MRGPRF: variants seen among roughly 807,000 people sequenced by gnomAD.
MRGPRF encodes the protein mas-related G protein-coupled receptor member F.
MRGPRF carries 2 observed loss-of-function variants against 3.3 expected under a neutral mutation model. The ratio of observed to expected loss-of-function variants is 0.61; its 90% CI spans 0.25 to 1.92. The LOEUF (loss-of-function observed/expected upper bound fraction) is 1.92. Among genes scored for constraint, MRGPRF ranks in the 40% most tolerant of loss-of-function variants. The pLI is 0.16. For missense variants in MRGPRF, 500 were observed against 476.0 expected (o/e 1.05, Z -0.47); for synonymous variants, 242 against 222.7 (o/e 1.09, Z -0.77).
chr11:69,009,298 G>C (rs1860547501), intron 2 of MRGPRF: 6 of 344,380 alleles, frequency 1.7e-5, no homozygotes. Flanking sequence ...GGAAATCCCA[G>C]AATTTTCAAG....
In MRGPRF at chr11:69,009,880, C is replaced by T; in HGVS notation, c.22G>A (p.Glu8Lys). 5 of 1,609,240 alleles carry T rather than the reference C, an allele frequency of 3.1e-6. No homozygotes were observed. Among genetic ancestry groups the T allele is most frequent in the East Asian group, 2.2e-5 (1 of 44,876 alleles). The change falls in exon 2 of 3, where the codon GAG becomes AAG. Residue 8 changes from glutamate to lysine, a missense_variant. Glu to Lys is a moderately conservative substitution (Grantham distance 56). Coordinates refer to ENST00000309099, the MANE Select transcript of MRGPRF (RefSeq NM_145015.5). ...TTGTTCCTGTTGCCGGGATGGGCCT[C>T]CCAGGAGCAGTTTCCAGCCATCTCC... MAGNCSWEAHPGNRNKMC... is the reference protein window; with the variant it reads MAGNCSWKAHPGNRNKMC...
At chr11:69,010,447 G>C (rs1860571804) in intron 1 of MRGPRF, among the ~76,000 whole-genome samples, 1 of 152,168 alleles carries the variant, frequency 6.6e-6, no homozygotes, top group African/African-American at 2.4e-5. Context: ...ACATGCTAAG[G>C]CATCTGGCCT....
intron 2 of MRGPRF, among the ~76,000 whole-genome samples, chr11:69,009,170 T>C (rs1860544319): frequency 6.6e-6 from 1 of 152,226 alleles, no homozygotes; most frequent in South Asian, 2.1e-4. Flanking sequence ...GTTGCCACTC[T>C]GCTCCTGACC....
chr11:69,006,339 G>T, intron 2 of MRGPRF, 78 bp from the exon 3 acceptor site: 1 of 1,388,042 alleles, frequency 7.2e-7, no homozygotes, highest in Non-Finnish European at 9.3e-7. Context: ...CCCAGCGTGG[G>T]GGAGGGGGGG....
At chr11:69,009,790 G>A in intron 2 of MRGPRF, 64 bp downstream of exon 2, 1 of 1,550,316 alleles carries the variant, frequency 6.5e-7, no homozygotes, top group Non-Finnish European at 8.8e-7. Context: ...ATGCTGGGCT[G>A]GGTCTGCCCC....
intron 2 of MRGPRF, among the ~76,000 whole-genome samples, chr11:69,006,496 A>G (rs947863722): frequency 2.0e-5 from 3 of 152,022 alleles, no homozygotes; most frequent in Non-Finnish European, 4.4e-5. Flanking sequence ...GCAGCACACA[A>G]TGGTGCCTAT....
Position 69,005,225 on chromosome 11 carries a change from CG to C in MRGPRF, c.*52del. On this transcript the variant is annotated 3_prime_UTR_variant, in exon 3 of 3. Transcript: ENST00000309099. Reference sequence around the variant, plus strand: ...GCAGGTGCCCATTCCTGTCCCAAGGCGAAGGGTCTTGGAGGCCGCTTCCTGC... The same window carrying C: ...GCAGGTGCCCATTCCTGTCCCAAGGCAAGGGTCTTGGAGGCCGCTTCCTGC... 1 of 1,441,622 alleles carries C rather than the reference CG, an allele frequency of 6.9e-7. No individual in the cohort carries two copies. The highest frequency in any genetic ancestry group is 2.5e-4 in the Middle Eastern group (1 of 3,966). The allele number at this position is 1,441,622 out of a possible 1,614,324, so 89.3% of individuals were successfully genotyped here. A position where few individuals can be genotyped will look rare whatever the true frequency, so the allele number is the denominator to read the frequency against.
chr11:69,011,161 C>T (rs1860588661), intron 1 of MRGPRF, among the ~76,000 whole-genome samples: 1 of 152,132 alleles, frequency 6.6e-6, no homozygotes, highest in South Asian at 2.1e-4. Flanking sequence ...GCGCACTCCT[C>T]CCGCCCGGGG....
intron 2 of MRGPRF, chr11:69,009,285 G>C (rs1405990491): frequency 9.5e-6 from 3 of 315,210 alleles, no homozygotes; most frequent in African/African-American, 2.1e-5. Flanking sequence ...AGTTGAGAGC[G>C]AAGGAAATCC....
Position 69,005,333 on chromosome 11 carries a change from C to T in MRGPRF, c.977G>A (p.Ser326Asn). 6.4e-7 allele frequency: 1 copy of T among 1,556,308 alleles called. No individual in the cohort carries two copies. Among genetic ancestry groups the T allele is most frequent in the Non-Finnish European group, 8.7e-7 (1 of 1,153,306 alleles). The part of the protein sequence containing the change: ...DGAELGEAGG[S>N]TPNTVTMEMQ... ...CTCCATGGTGACTGTGTTGGGCGTGCTGCCCCCGGCCTCCCCCAGCTCAGC... is the reference window on the plus strand; with the variant it reads ...CTCCATGGTGACTGTGTTGGGCGTGTTGCCCCCGGCCTCCCCCAGCTCAGC... The change falls in exon 3 of 3, where the codon AGC becomes AAC. Residue 326 changes from serine to asparagine, a missense_variant. By Grantham distance (46) the Ser-to-Asn change is conservative. Transcript: ENST00000309099.
At chr11:69,007,422 G>A (rs1860512298) in intron 2 of MRGPRF, among the ~76,000 whole-genome samples, 1 of 152,152 alleles carries the variant, frequency 6.6e-6, no homozygotes. Flanking sequence ...TGGCCGGACT[G>A]GTCTCGATCT....
chr11:69,008,074 C>T (rs1238206890), intron 2 of MRGPRF, among the ~76,000 whole-genome samples: 1 of 152,134 alleles, frequency 6.6e-6, no homozygotes, highest in African/African-American at 2.4e-5. Context: ...CTGCTGTGCT[C>T]CAGCTGGTGG....
At chr11:69,009,547 C>T (rs750974507) in intron 2 of MRGPRF, 30 of 590,574 alleles carry the variant, frequency 5.1e-5, no homozygotes, top group South Asian at 1.6e-4. Flanking sequence ...GACTGCCCCA[C>T]CTCTGCAGGG....
rs1337624594 is a variant in MRGPRF, at chr11:69,005,831, G to C, written c.479C>G (p.Ser160Trp). ...CCACAGCAGGGCGCACACCACGGCC[G>C]ACAGGCGCTTGGGCCGCCGGCGCCA... ...WYWRRRPKRL[S>W]AVVCALLWVL... The change falls in exon 3 of 3, where the codon TCG becomes TGG. Residue 160 changes from serine (S) to tryptophan (W), a missense_variant. Transcript: ENST00000309099. 9.8e-6 allele frequency: 15 copies of C among 1,533,426 alleles called. No individual in the cohort carries two copies. The highest frequency in any genetic ancestry group is 1.1e-5 in the Non-Finnish European group (12 of 1,140,662). 95.0% of individuals were successfully genotyped at this position (1,533,426 alleles called of 1,614,324 possible).
intron 1 of MRGPRF, among the ~76,000 whole-genome samples, chr11:69,010,378 C>A (rs577457183): frequency 6.6e-6 from 1 of 152,352 alleles, no homozygotes; most frequent in South Asian, 2.1e-4. Flanking sequence ...GAAGAGGGAT[C>A]ATTCCTGGCA....
chr11:69,009,388 G>A lies in MRGPRF; in HGVS notation c.48+466C>T, dbSNP rs1358566771. ...GGAGGGGTTGTCAGAGTCTCAGGGT[G>A]GGTGACTCATGACTAATGGACCCTG... On this transcript the variant is annotated intron_variant, in intron 2 of 2. Transcript: ENST00000309099. The A allele has an allele frequency of 1.8e-5, 8 of 434,374 alleles. No homozygotes were observed. In the South Asian group the frequency reaches 5.4e-4, roughly 29 times the overall value. 26.9% of individuals were successfully genotyped at this position (434,374 alleles called of 1,614,324 possible). A position where few individuals can be genotyped will look rare whatever the true frequency, so the allele number is the denominator to read the frequency against.
chr11:69,011,844 T>C (rs1590683078), intron 1 of MRGPRF, among the ~76,000 whole-genome samples: 1 of 152,140 alleles, frequency 6.6e-6, no homozygotes, highest in East Asian at 1.9e-4. Context: ...CCACACCAAC[T>C]AGTGCCCCAA....
chr11:69,008,262 C>T (rs558240112), intron 2 of MRGPRF, among the ~76,000 whole-genome samples: 5 of 152,216 alleles, frequency 3.3e-5, no homozygotes, highest in Non-Finnish European at 5.9e-5. Flanking sequence ...CAGTCCTCTC[C>T]GACCTTTCCC....
rs759161378 is a variant in MRGPRF, at chr11:69,006,103, G to A, written c.207C>T (p.Phe69=). 7 of 1,613,258 alleles carry A rather than the reference G, an allele frequency of 4.3e-6. No homozygotes were observed. The East Asian group carries it at 1.3e-4, about 31-fold the overall frequency. ...AGGGGTTCCTCTTGATGGAGAAGCC[G>A]AAAAACCAGAGGACCAGCCCGTTGC... ...LVGNGLVLWF[F]GFSIKRNPFS... is the part of the protein sequence containing the mutation. The change falls in exon 3 of 3, where the codon TTC becomes TTT. Residue 69 remains phenylalanine (F), a synonymous_variant. Coordinates refer to ENST00000309099, the MANE Select transcript of MRGPRF (RefSeq NM_145015.5).
Sources: allele counts gnomAD v4.1 joint callset (sites outside exome capture counted in the v4.1 genomes callset), GRCh38; gene constraint gnomAD v4.1.1; transcripts MANE v1.5; gene names NCBI Gene and HGNC (gene_info 2026-07-23, HGNC 2026-07-21).